PARD3B: variants seen among roughly 807,000 people sequenced by gnomAD.
PARD3B encodes the protein par-3 family cell polarity regulator beta, also known as partitioning defective 3 homolog B.
Under a neutral mutation model 130.2 loss-of-function variants are expected in PARD3B, and 103 were observed. That is an observed-to-expected ratio of 0.79 (90% CI 0.67 to 0.93). The LOEUF (loss-of-function observed/expected upper bound fraction) is 0.93, where lower values mean the gene tolerates loss of function less well. PARD3B is among the 40% of genes least tolerant of loss of function. The probability of loss-of-function intolerance (pLI) is 0.00; values close to 1 mark genes in which losing one functional copy is unlikely to be tolerated. For missense variants in PARD3B, 1,609 were observed against 1,499.2 expected (o/e 1.07, Z -1.21); for synonymous variants, 583 against 553.2 (o/e 1.05, Z -0.76).
intron 2 of PARD3B, among the ~76,000 whole-genome samples, chr2:204,732,231 T>C (rs2039544069): frequency 6.6e-6 from 1 of 152,144 alleles, no homozygotes; most frequent in Admixed American, 6.5e-5. Flanking sequence ...ATTATGAAAC[T>C]GGACTGTAAT....
chr2:204,618,928 A>G (rs1040539039), intron 1 of PARD3B, among the ~76,000 whole-genome samples: 4 of 152,138 alleles, frequency 2.6e-5, no homozygotes, highest in Non-Finnish European at 5.9e-5. Flanking sequence ...TTTGGTAGTT[A>G]CATAATAAAT....
intron 5 of PARD3B, 86 bp from the exon 6 acceptor site, chr2:205,113,405 T>G: frequency 1.3e-6 from 1 of 799,282 alleles, no homozygotes; most frequent in Non-Finnish European, 2.1e-6. Flanking sequence ...TGTGTGTGTG[T>G]GTGTGTGTGT....
intron 18 of PARD3B, among the ~76,000 whole-genome samples, chr2:205,342,588 G>A (rs1472176506): frequency 2.6e-5 from 4 of 152,160 alleles, no homozygotes; most frequent in Admixed American, 2.6e-4. Flanking sequence ...ATGAGGTAGA[G>A]CAGCATATGC....
chr2:205,480,656 T>C (rs1191852080), intron 20 of PARD3B, among the ~76,000 whole-genome samples: 1 of 152,192 alleles, frequency 6.6e-6, no homozygotes, highest in African/African-American at 2.4e-5. Flanking sequence ...GAGTTGTTCC[T>C]TAGTTCATGT....
intron 2 of PARD3B, among the ~76,000 whole-genome samples, chr2:204,814,402 CTT>C (rs1255165315): frequency 4.6e-5 from 7 of 151,490 alleles, no homozygotes; most frequent in Non-Finnish European, 8.9e-5. Context: ...CACAAAAACT[CTT>C]ATAATCTATA....
Position 204,744,885 on chromosome 2 carries a change from C to T in PARD3B, c.222+58603C>T, listed in dbSNP as rs117829473. Among the ~76,000 whole-genome samples the T allele has an allele frequency of 3.0e-4, 46 of 152,186 alleles. 1 individual carries two copies. The East Asian group carries it at 7.2e-3, about 24-fold the overall frequency. On this transcript the variant is annotated intron_variant, in intron 2 of 22. Transcript: ENST00000406610. ...GGTACCACTCTAACCCATTCCCCTC[C>T]AGTAAAAGCAAGTGATTGATTAATT...
At chr2:204,972,024 G>A (rs371323481) in intron 3 of PARD3B, among the ~76,000 whole-genome samples, 86 of 151,820 alleles carry the variant, frequency 5.7e-4, no homozygotes, top group Non-Finnish European at 2.8e-4. Context: ...AGAATGTCAC[G>A]TTATTCATTG....
In PARD3B at chr2:204,952,956, T is replaced by C. The variant is rs192916350; in HGVS notation, c.223-12196T>C. On this transcript the variant is annotated intron_variant, in intron 2 of 22. Coordinates refer to ENST00000406610, the MANE Select transcript of PARD3B (RefSeq NM_001302769.2). Reference sequence around the variant, plus strand: ...AGCTTGCAGTGAGCTGAGATCTTGCTACTGCACTCCAGCCTGGGCGACAGT... The same window carrying C: ...AGCTTGCAGTGAGCTGAGATCTTGCCACTGCACTCCAGCCTGGGCGACAGT... Among the ~76,000 whole-genome samples the C allele has an allele frequency of 3.2e-3, 465 of 145,550 alleles. 5 individuals carry two copies. Among genetic ancestry groups the C allele is most frequent in the African/African-American group, 0.011 (434 of 38,988 alleles).
At chr2:205,368,817 A>G (rs189995739) in intron 18 of PARD3B, among the ~76,000 whole-genome samples, 3 of 151,700 alleles carry the variant, frequency 2.0e-5, no homozygotes, top group Admixed American at 2.0e-4. Flanking sequence ...ACCTTGTAAC[A>G]CAAATTATCT....
intron 20 of PARD3B, among the ~76,000 whole-genome samples, chr2:205,498,635 G>A (rs1018655678): frequency 1.3e-5 from 2 of 152,216 alleles, no homozygotes; most frequent in South Asian, 4.1e-4. Context: ...TTGAGGACCA[G>A]TGCTTAACCA....
intron 4 of PARD3B, among the ~76,000 whole-genome samples, chr2:205,051,361 A>C (rs1464185031): frequency 6.6e-6 from 1 of 152,322 alleles, no homozygotes; most frequent in East Asian, 1.9e-4. Flanking sequence ...TCCAATATCC[A>C]CAGGAAGAAA....
intron 20 of PARD3B, among the ~76,000 whole-genome samples, chr2:205,457,851 G>GA (rs1224308318): frequency 6.6e-6 from 1 of 152,096 alleles, no homozygotes; most frequent in Non-Finnish European, 1.5e-5. Flanking sequence ...TCTGAAATCT[G>GA]AAACTTTTTG....
Position 205,615,469 on chromosome 2 carries a change from G to A in PARD3B, c.3274G>A (p.Asp1092Asn), listed in dbSNP as rs774103122. ...TTCTCTTTCCAGGGGAGGACCCGCA[G>A]ATCCTGTAGACTATCTGCCAGCAGC... The part of the protein sequence containing the change: ...YASLPRGGPA[D>N]PVDYLPAAPR... Residue 1092 changes from aspartate (D) to asparagine (N), a missense_variant, in exon 23 of 23, where the codon GAT (aspartate) becomes AAT (asparagine). Physicochemically the swap from Asp to Asn is conservative, Grantham distance 23. Transcript: ENST00000406610. 6.9e-5 allele frequency: 110 copies of A among 1,601,626 alleles called. No homozygotes were observed. The highest frequency in any genetic ancestry group is 2.0e-4 in the Admixed American group (12 of 58,552).
Position 204,669,120 on chromosome 2 carries a change from T to A in PARD3B, c.121-17061T>A, listed in dbSNP as rs1371573984. 3.9e-5 allele frequency among the ~76,000 whole-genome samples: 6 copies of A among 152,144 alleles called. No homozygotes were observed. The highest frequency in any genetic ancestry group is 6.5e-5 in the Admixed American group (1 of 15,270). On this transcript the variant is annotated intron_variant, in intron 1 of 22. Coordinates refer to ENST00000406610, the MANE Select transcript of PARD3B (RefSeq NM_001302769.2). This position sits in a 1 kb window ranked among gnomAD's most constrained non-coding sequence, Gnocchi z 4.3. The stretch of plus-strand genomic sequence containing the variant: ...GCCTGCAGAATTAGAAGATAATAAA[T>A]CAGTGTTATTGCAGTCCACTAAGTT...
At chr2:204,563,479 T>A (rs1317184995) in intron 1 of PARD3B, among the ~76,000 whole-genome samples, 1 of 152,092 alleles carries the variant, frequency 6.6e-6, no homozygotes, top group Non-Finnish European at 1.5e-5. Flanking sequence ...TTTAATGCAT[T>A]TTTTCTTGCT....
chr2:205,052,419 G>GTATGTATATATATATA (rs1699260692), intron 4 of PARD3B, among the ~76,000 whole-genome samples: 1 of 39,762 alleles, frequency 2.5e-5, no homozygotes, highest in African/African-American at 9.3e-5. Flanking sequence ...ATATATATAT[G>GTATGTATATATATATA]TATATATATA....
intron 2 of PARD3B, among the ~76,000 whole-genome samples, chr2:204,736,553 A>T (rs1311396856): frequency 6.6e-6 from 1 of 152,064 alleles, no homozygotes; most frequent in Non-Finnish European, 1.5e-5. Context: ...CTCCTGTGTT[A>T]CTTTTTTTAG....
At position 205,121,689 on chromosome 2, in the gene PARD3B, G is replaced by T; in HGVS notation, c.905G>T (p.Gly302Val). The stretch of plus-strand genomic sequence containing the variant: ...GAACAGTATGAAAAGTCAGTCATTG[G>T]CTCTCTTAACATTTTTGGTAATAAT... ...NREQYEKSVIGSLNIFGNNDG... is the reference protein window; with the variant it reads ...NREQYEKSVIVSLNIFGNNDG... The change falls in exon 8 of 23, where the codon GGC becomes GTC. Residue 302 changes from glycine to valine, a missense_variant. Gly to Val is a moderately radical substitution (Grantham distance 109). Transcript: ENST00000406610. This position sits in a 1 kb window ranked among gnomAD's most constrained non-coding sequence, Gnocchi z 5.0. 6.2e-7 allele frequency: 1 copy of T among 1,614,118 alleles called. No homozygotes were observed. Among genetic ancestry groups the T allele is most frequent in the East Asian group, 2.2e-5 (1 of 44,878 alleles).
chr2:204,861,933 A>C (rs1413914802), intron 2 of PARD3B, among the ~76,000 whole-genome samples: 2 of 150,056 alleles, frequency 1.3e-5, no homozygotes, highest in East Asian at 3.9e-4. Context: ...TCAAAAAAAA[A>C]AAAAAAAAAA....
Sources: gnomAD v4.1 joint callset for allele counts (sites outside exome capture counted in the v4.1 genomes callset) on GRCh38, gnomAD v4.1.1 for gene constraint, Gnocchi (gnomAD v3.1) non-coding constraint, MANE v1.5 for transcripts, NCBI Gene and HGNC (gene_info 2026-07-23, HGNC 2026-07-21) for gene names.